Variants in IST1 observed in about 807,000 individuals in gnomAD.
IST1 encodes the protein IST1 factor associated with ESCRT-III.
In IST1, 23 loss-of-function variants were observed where a neutral mutation model predicts 37.0. That is an observed-to-expected ratio of 0.62 (90% CI 0.45 to 0.88). The LOEUF (loss-of-function observed/expected upper bound fraction) is 0.88, where lower values mean the gene tolerates loss of function less well. Ranked by LOEUF, IST1 falls within the 40% of genes least tolerant of loss-of-function variation. The pLI is 0.00. For synonymous variants in IST1, 180 were observed against 161.7 expected, an observed-to-expected ratio of 1.11 and a Z score of -0.86; for missense variants, 488 against 445.4, an observed-to-expected ratio of 1.10 and a Z score of -0.86.
chr16:71,900,894 A>G (rs993262971), intron 1 of IST1, among the ~76,000 whole-genome samples: 1 of 152,204 alleles, frequency 6.6e-6, no homozygotes, highest in Admixed American at 6.5e-5. Flanking sequence ...CTCAATAAAT[A>G]TTTGGTGAGT....
Position 71,929,629 on chromosome 16 carries a change from A to C in IST1, c.*1816A>C. 1.3e-6 allele frequency: 2 copies of C among 1,551,682 alleles called. No individual in the cohort carries two copies. Among genetic ancestry groups the C allele is most frequent in the Non-Finnish European group, 8.7e-7 (1 of 1,146,804 alleles). On this transcript the variant is annotated 3_prime_UTR_variant, in exon 10 of 10. Transcript: ENST00000378799. ...GGTTTTTTGGGGCCAACTGATTCCT[A>C]ACAAATTTGAGAGCTTCTGTAGCAG...
upstream of IST1, chr16:71,894,898 T>G: frequency 2.2e-6 from 3 of 1,372,934 alleles, no homozygotes; most frequent in Non-Finnish European, 3.0e-6. Flanking sequence ...CCGAGATAAA[T>G]TAGGGAAATC....
rs935680962 is a variant in IST1, at chr16:71,930,398, G to C, written c.*2585G>C. ...TAAGGAGGTTAAGATAATTGTGACT[G>C]CAGGGCTTTCACAAGAAAACAGGTG... On this transcript the variant is annotated 3_prime_UTR_variant, in exon 10 of 10. Transcript: ENST00000378799. The C allele has an allele frequency of 2.6e-6, 1 of 390,818 alleles. No homozygotes were observed. Among genetic ancestry groups the C allele is most frequent in the Non-Finnish European group, 4.4e-6 (1 of 225,008 alleles). 24.2% of individuals were successfully genotyped at this position (390,818 alleles called of 1,614,324 possible). A position where few individuals can be genotyped will look rare whatever the true frequency, so the allele number is the denominator to read the frequency against.
In IST1 at chr16:71,921,445, G is replaced by T. The variant is rs761908013; in HGVS notation, c.544G>T (p.Val182Leu). The change falls in exon 6 of 10, where the codon GTG becomes TTG. Residue 182 changes from valine (V) to leucine (L), a missense_variant. Coordinates refer to ENST00000378799, the MANE Select transcript of IST1 (RefSeq NM_001270975.2). ...NYNVPYEPDS[V>L]VMAEAPPGVE... ...CAACGTACCCTATGAACCTGACTCT[G>T]TGGTCATGGTAAGTTTATCCCAGAA... The T allele has an allele frequency of 3.1e-6, 5 of 1,593,670 alleles. No individual in the cohort carries two copies. Among genetic ancestry groups the T allele is most frequent in the Non-Finnish European group, 4.3e-6 (5 of 1,161,406 alleles).
chr16:71,927,613 G>C lies in IST1; in HGVS notation c.902-1G>C. The C allele has an allele frequency of 6.2e-7, 1 of 1,611,862 alleles. No individual in the cohort carries two copies. Among genetic ancestry groups the C allele is most frequent in the Non-Finnish European group, 8.5e-7 (1 of 1,178,104 alleles). On this transcript the variant is annotated splice_acceptor_variant, in intron 9 of 9. Transcript: ENST00000378799. LOFTEE classifies it high-confidence loss of function. ...AACGTTGTGCTCCTTGCCCTAATTA[G>C]GTCCTGGACCCAAGCCAGAAGCCTC...
intron 9 of IST1, among the ~76,000 whole-genome samples, chr16:71,925,662 A>G (rs999822316): frequency 6.6e-6 from 1 of 151,814 alleles, no homozygotes; most frequent in African/African-American, 2.4e-5. Context: ...CTACCACTCA[A>G]TTAAAAAAGT....
chr16:71,918,732 G>A (rs889392610), intron 4 of IST1, among the ~76,000 whole-genome samples: 1 of 151,986 alleles, frequency 6.6e-6, no homozygotes, highest in African/African-American at 2.4e-5. Context: ...GGTCTCTTCT[G>A]TACTCCTTTA....
intron 1 of IST1, among the ~76,000 whole-genome samples, chr16:71,897,716 C>T (rs990018419): frequency 1.3e-5 from 2 of 151,978 alleles, no homozygotes; most frequent in East Asian, 1.9e-4. Flanking sequence ...GAGGCCGAGG[C>T]GGGTGGATCA....
intron 1 of IST1, among the ~76,000 whole-genome samples, chr16:71,908,002 T>C (rs2037264667): frequency 6.6e-6 from 1 of 152,140 alleles, no homozygotes; most frequent in South Asian, 2.1e-4. Flanking sequence ...TGGAGTGCAG[T>C]GGTGTGATCT....
chr16:71,909,653 A>T (rs61523290), intron 1 of IST1, among the ~76,000 whole-genome samples: 1 of 152,172 alleles, frequency 6.6e-6, no homozygotes, highest in Non-Finnish European at 1.5e-5. Context: ...TTGAAAGTCT[A>T]CTTCTAATTT....
chr16:71,906,264 A>C (rs2037221714), intron 1 of IST1, among the ~76,000 whole-genome samples: 2 of 151,052 alleles, frequency 1.3e-5, no homozygotes, highest in South Asian at 4.2e-4. Context: ...CAGCCTCCCA[A>C]AGTGCTGGGA....
intron 9 of IST1, among the ~76,000 whole-genome samples, chr16:71,926,568 G>C (rs1424611931): frequency 6.6e-6 from 1 of 151,766 alleles, no homozygotes; most frequent in Non-Finnish European, 1.5e-5. Flanking sequence ...GGATGGTCTT[G>C]ATCTCCTGAC....
chr16:71,920,855 T>C (rs947804337), intron 5 of IST1, 33 bp downstream of exon 5: 1 of 1,468,726 alleles, frequency 6.8e-7, no homozygotes. Flanking sequence ...ATGAAGGCAG[T>C]GTGTGGGAGC....
At chr16:71,904,314 G>T (rs565548204) in intron 1 of IST1, among the ~76,000 whole-genome samples, 34 of 152,254 alleles carry the variant, frequency 2.2e-4, no homozygotes, top group Non-Finnish European at 3.7e-4. Context: ...GTAGAGATGG[G>T]GTTTCGTCAT....
intron 4 of IST1, among the ~76,000 whole-genome samples, chr16:71,918,281 G>C (rs1260129579): frequency 2.6e-5 from 4 of 152,188 alleles, no homozygotes; most frequent in East Asian, 3.9e-4. Context: ...GTTGTCTCCT[G>C]TGTGTAGACT....
At chr16:71,914,284 G>A (rs367978390) in intron 1 of IST1, among the ~76,000 whole-genome samples, 2 of 150,824 alleles carry the variant, frequency 1.3e-5, no homozygotes, top group South Asian at 2.1e-4. Context: ...TCAGTCTCCC[G>A]AGTAGCTGGG....
At chr16:71,910,529 C>T (rs1035777415) in intron 1 of IST1, among the ~76,000 whole-genome samples, 7 of 151,226 alleles carry the variant, frequency 4.6e-5, no homozygotes, top group African/African-American at 1.7e-4. Context: ...TGGCGTGAAC[C>T]TGGGAGGCGG....
intron 8 of IST1, 100 bp from the exon 9 acceptor site, chr16:71,924,669 T>A: frequency 1.1e-6 from 1 of 875,806 alleles, no homozygotes; most frequent in Non-Finnish European, 1.9e-6. Context: ...TCTGTTGCAT[T>A]TGGTGAGCAA....
upstream of IST1, chr16:71,894,892 G>C: frequency 1.4e-6 from 2 of 1,408,424 alleles, no homozygotes. Flanking sequence ...TGAATACCGA[G>C]ATAAATTAGG....
Sources: gnomAD v4.1 joint callset for allele counts (sites outside exome capture counted in the v4.1 genomes callset) on GRCh38, gnomAD v4.1.1 for gene constraint, MANE v1.5 for transcripts, NCBI Gene and HGNC (gene_info 2026-07-23, HGNC 2026-07-21) for gene names.